The following ATF6 variants were observed in gnomAD, a reference collection of about 807,000 sequenced individuals.
ATF6 encodes the protein cyclic AMP-dependent transcription factor ATF-6 alpha.
In ATF6, 53 loss-of-function variants were observed where a neutral mutation model predicts 83.6. The ratio of observed to expected loss-of-function variants is 0.63; its 90% CI spans 0.51 to 0.80. ATF6 has a LOEUF of 0.80. Among genes scored for constraint, ATF6 ranks in the 30% least tolerant of loss-of-function variants. ATF6 has a pLI of 0.00. For synonymous variants in ATF6, 288 were observed against 285.8 expected (o/e 1.01, Z -0.08); for missense variants, 744 against 797.9 (o/e 0.93, Z 0.81).
intron 7 of ATF6, among the ~76,000 whole-genome samples, chr1:161,814,653 A>AACT (rs1423663613): frequency 6.6e-6 from 1 of 152,228 alleles, no homozygotes; most frequent in African/African-American, 2.4e-5. Context: ...ACTTAATAGA[A>AACT]AGAGTAAAAT....
At chr1:161,876,103 G>A (rs145492396) in intron 14 of ATF6, among the ~76,000 whole-genome samples, 57 of 152,008 alleles carry the variant, frequency 3.7e-4, no homozygotes, top group African/African-American at 1.3e-3. Context: ...TGAGATTTAA[G>A]AAAGTTATTC....
At chr1:161,798,335 T>C (rs1411514147) in intron 6 of ATF6, among the ~76,000 whole-genome samples, 6 of 152,162 alleles carry the variant, frequency 3.9e-5, no homozygotes, top group Admixed American at 3.9e-4. Flanking sequence ...CTAAAGAGGC[T>C]GGGCGTGGTG....
rs72157843 is a variant in ATF6, at chr1:161,791,062, A to ATGTGTGTG, written c.355-332_355-325dup. On this transcript the variant is annotated intron_variant, in intron 4 of 15. Transcript: ENST00000367942. Reference sequence around the variant, plus strand: ...TGTATGACTACGAACCAAGTTTTATATGTGTGTGTGTGTGTGTGTGTCTCT... The same window carrying ATGTGTGTG: ...TGTATGACTACGAACCAAGTTTTATATGTGTGTGTGTGTGTGTGTGTGTGTGTGTCTCT... Among the ~76,000 whole-genome samples the ATGTGTGTG allele has an allele frequency of 6.7e-3, 924 of 137,284 alleles. 19 individuals are homozygous for ATGTGTGTG. The highest frequency in any genetic ancestry group is 0.029 in the African/African-American group (896 of 30,606). 90.1% of individuals were successfully genotyped at this position (137,284 alleles called of 152,430 possible).
chr1:161,859,929 G>T (rs866374324), intron 12 of ATF6, among the ~76,000 whole-genome samples: 35 of 152,080 alleles, frequency 2.3e-4, no homozygotes, highest in Admixed American at 3.9e-4. Flanking sequence ...ATATAGCTTG[G>T]TCATAAAATT....
At chr1:161,912,411 T>C in intron 15 of ATF6, 31 bp downstream of exon 15, 1 of 1,467,924 alleles carries the variant, frequency 6.8e-7, no homozygotes, top group South Asian at 1.2e-5. Context: ...ATGAACAATA[T>C]GAGATTTCTT....
chr1:161,863,204 C>T lies in ATF6; in HGVS notation c.1611C>T (p.Asn537=). 6.3e-7 allele frequency: 1 copy of T among 1,590,646 alleles called. No homozygotes were observed. Among genetic ancestry groups the T allele is most frequent in the Non-Finnish European group, 8.6e-7 (1 of 1,163,124 alleles). Residue 537 remains asparagine (N), a synonymous_variant, in exon 14 of 16, where the codon AAC becomes AAT. Coordinates refer to ENST00000367942, the MANE Select transcript of ATF6 (RefSeq NM_007348.4). Reference sequence around the variant, plus strand: ...TATATTTTTCTTACTTTAGCAGGAACTCAGGGAGTGAGCTACAAGTGTATT... The same window carrying T: ...TATATTTTTCTTACTTTAGCAGGAATTCAGGGAGTGAGCTACAAGTGTATT... ...YTETTSSISR[N]SGSELQVYYA...
chr1:161,820,626 T>C (rs991958960), intron 8 of ATF6, among the ~76,000 whole-genome samples: 1 of 152,042 alleles, frequency 6.6e-6, no homozygotes, highest in Non-Finnish European at 1.5e-5. Context: ...TGCACACCTG[T>C]AATCCCAGCT....
At position 161,821,478 on chromosome 1, in the gene ATF6, C is replaced by G. The variant is rs572368024; in HGVS notation, c.1187+317C>G. 4.6e-5 allele frequency among the ~76,000 whole-genome samples: 7 copies of G among 152,158 alleles called. No individual in the cohort carries two copies. The East Asian group carries it at 1.2e-3, about 25-fold the overall frequency. On this transcript the variant is annotated intron_variant, in intron 9 of 15. Coordinates refer to ENST00000367942, the MANE Select transcript of ATF6 (RefSeq NM_007348.4). Reference sequence around the variant, plus strand: ...ACTCGATACATTTTTTGTTGAGTGACTGAGTTATAAGGGAGATACCTACGA... The same window carrying G: ...ACTCGATACATTTTTTGTTGAGTGAGTGAGTTATAAGGGAGATACCTACGA...
In ATF6 at chr1:161,846,446, C is replaced by T. The variant is rs745359008; in HGVS notation, c.1188-3C>T. 8.2e-6 allele frequency: 13 copies of T among 1,594,018 alleles called. No homozygotes were observed. Among genetic ancestry groups the T allele is most frequent in the African/African-American group, 1.4e-5 (1 of 73,604 alleles). ...GCTATTATTTCCTGTTTTTTATTTT[C>T]AGCATGTTGGAACAGGATTCCAGGA... On this transcript the variant is annotated splice_region_variant and splice_polypyrimidine_tract_variant and intron_variant, in intron 9 of 15. Coordinates refer to ENST00000367942, the MANE Select transcript of ATF6 (RefSeq NM_007348.4).
intron 15 of ATF6, among the ~76,000 whole-genome samples, chr1:161,935,835 A>G (rs1218627006): frequency 2.0e-5 from 3 of 152,250 alleles, no homozygotes; most frequent in Non-Finnish European, 2.9e-5. Flanking sequence ...AAGAGTGGCA[A>G]TGCTCGAGCA....
intron 15 of ATF6, among the ~76,000 whole-genome samples, chr1:161,922,640 C>A (rs1470578125): frequency 6.6e-6 from 1 of 151,742 alleles, no homozygotes; most frequent in Non-Finnish European, 1.5e-5. Flanking sequence ...AAACCAAGAT[C>A]TGAAGGATGA....
chr1:161,946,712 G>A (rs899959459), intron 15 of ATF6, among the ~76,000 whole-genome samples: 1 of 152,096 alleles, frequency 6.6e-6, no homozygotes, highest in Non-Finnish European at 1.5e-5. Context: ...ACTCAATTTT[G>A]CCCATTTTTC....
chr1:161,784,159 G>A (rs1273731345), intron 4 of ATF6, 63 bp downstream of exon 4: 1 of 1,123,276 alleles, frequency 8.9e-7, no homozygotes, highest in Non-Finnish European at 1.3e-6. Flanking sequence ...ATATGTATAT[G>A]GAGGAGGCAG....
rs1208967115 is a variant in ATF6 at position 161,912,348 on chromosome 1, T to C, written c.1772T>C (p.Met591Thr). Residue 591 changes from methionine to threonine, a missense_variant, in exon 15 of 16, where the codon ATG becomes ACG. Transcript: ENST00000367942. ...CATAACAAGACCACAAGACCAAAAA[T>C]GTCAATTGTGTTACCAGCAATAAAC... ...TTHNKTTRPK[M>T]SIVLPAININ... 6.2e-7 allele frequency: 1 copy of C among 1,611,390 alleles called. No individual in the cohort carries two copies. Among genetic ancestry groups the C allele is most frequent in the Non-Finnish European group, 8.5e-7 (1 of 1,178,752 alleles).
intron 13 of ATF6, among the ~76,000 whole-genome samples, chr1:161,862,638 G>A (rs1010329974): frequency 6.6e-6 from 1 of 152,128 alleles, no homozygotes; most frequent in Admixed American, 6.6e-5. Context: ...TACAAGGGTT[G>A]TGTGGTTATA....
At chr1:161,864,198 A>G (rs1029256412) in intron 14 of ATF6, among the ~76,000 whole-genome samples, 26 of 151,612 alleles carry the variant, frequency 1.7e-4, no homozygotes, top group African/African-American at 5.8e-4. Context: ...TACACTGGGT[A>G]TGGTTAGAAG....
chr1:161,941,519 A>G (rs1408661011), intron 15 of ATF6, among the ~76,000 whole-genome samples: 1 of 152,228 alleles, frequency 6.6e-6, no homozygotes, highest in Non-Finnish European at 1.5e-5. Context: ...GTTCTCTTTA[A>G]AAAGTTTATG....
chr1:161,913,072 C>T (rs1688022912), intron 15 of ATF6, among the ~76,000 whole-genome samples: 1 of 152,218 alleles, frequency 6.6e-6, no homozygotes, highest in South Asian at 2.1e-4. Flanking sequence ...AGTGAAATAA[C>T]TCACTCCCAT....
At chr1:161,929,878 C>T (rs777806284) in intron 15 of ATF6, among the ~76,000 whole-genome samples, 2 of 152,166 alleles carry the variant, frequency 1.3e-5, no homozygotes, top group Non-Finnish European at 2.9e-5. Flanking sequence ...CCCATTTGGT[C>T]TGTGCAGGTA....
Sources: allele counts gnomAD v4.1 joint callset (sites outside exome capture counted in the v4.1 genomes callset), GRCh38; gene constraint gnomAD v4.1.1; transcripts MANE v1.5; gene names NCBI Gene and HGNC (gene_info 2026-07-23, HGNC 2026-07-21).